MTUS2: variants seen among roughly 807,000 people sequenced by gnomAD.
MTUS2 encodes the protein microtubule associated scaffold protein 2.
Under a neutral mutation model 114.1 loss-of-function variants are expected in MTUS2, and 40 were observed. The observed-to-expected ratio is 0.35, with a 90% confidence interval of 0.27 to 0.46. The LOEUF is 0.46. Among genes scored for constraint, MTUS2 ranks in the 20% least tolerant of loss-of-function variants. The pLI, the probability that MTUS2 is intolerant of heterozygous loss-of-function variation, is 1.00. For synonymous variants in MTUS2, 688 were observed against 672.0 expected, an observed-to-expected ratio of 1.02 and a Z score of -0.37; for missense variants, 1,679 against 1,705.4, an observed-to-expected ratio of 0.98 and a Z score of 0.27.
intron 5 of MTUS2, among the ~76,000 whole-genome samples, chr13:29,153,081 G>T (rs1309703369): frequency 6.6e-6 from 1 of 152,208 alleles, no homozygotes; most frequent in Non-Finnish European, 1.5e-5. Context: ...TGCACAAAAT[G>T]TGAGTTGTGC....
In MTUS2 at chr13:29,025,744, G is replaced by T; in HGVS notation, c.1046G>T (p.Cys349Phe). ...NLSALEGRDP[C>F]GEAHPEATDA... The stretch of plus-strand genomic sequence containing the variant: ...TCAGCCTTGGAGGGAAGGGATCCAT[G>T]TGGGGAAGCACACCCGGAAGCCACC... Residue 349 changes from cysteine (C) to phenylalanine (F), a missense_variant, in exon 3 of 16, where the codon TGT (cysteine) becomes TTT (phenylalanine). Coordinates refer to ENST00000612955, the MANE Select transcript of MTUS2 (RefSeq NM_001033602.4). The T allele has an allele frequency of 6.2e-7, 1 of 1,614,040 alleles. No individual in the cohort carries two copies. Among genetic ancestry groups the T allele is most frequent in the Non-Finnish European group, 8.5e-7 (1 of 1,179,894 alleles).
intron 5 of MTUS2, among the ~76,000 whole-genome samples, chr13:29,135,712 G>C (rs544668984): frequency 4.6e-4 from 69 of 151,260 alleles, no homozygotes; most frequent in African/African-American, 1.6e-3. Flanking sequence ...TAGTAATTTT[G>C]AGATTACCAT....
intron 5 of MTUS2, among the ~76,000 whole-genome samples, chr13:29,279,096 A>T (rs969133777): frequency 3.9e-5 from 6 of 152,200 alleles, no homozygotes; most frequent in African/African-American, 1.4e-4. Context: ...TTAACTTTTT[A>T]AAAAATTTCC....
At chr13:29,454,631 A>G (rs1394260018) in intron 9 of MTUS2, among the ~76,000 whole-genome samples, 2 of 152,134 alleles carry the variant, frequency 1.3e-5, no homozygotes, top group East Asian at 1.9e-4. Context: ...CGCAGGAATC[A>G]GTGAACAAAT....
At chr13:29,147,024 A>G (rs1057264672) in intron 5 of MTUS2, among the ~76,000 whole-genome samples, 2 of 152,194 alleles carry the variant, frequency 1.3e-5, no homozygotes, top group Admixed American at 6.5e-5. Flanking sequence ...TGTTGCAAAT[A>G]TTCTTGTGAA....
At chr13:29,346,010 T>C (rs1868640796) in intron 7 of MTUS2, among the ~76,000 whole-genome samples, 1 of 152,216 alleles carries the variant, frequency 6.6e-6, no homozygotes, top group African/African-American at 2.4e-5. Flanking sequence ...ATGTCATCTG[T>C]CTTCAGGTCT....
chr13:29,389,567 G>GTACATATATGTGTGTATACGTA lies in MTUS2; in HGVS notation c.3117+30101_3117+30102insATGTGTGTATACGTATACATAT, dbSNP rs1566173595. Among the ~76,000 whole-genome samples, 49 of 49,474 alleles carry GTACATATATGTGTGTATACGTA rather than the reference G, an allele frequency of 9.9e-4. 7 individuals are homozygous for GTACATATATGTGTGTATACGTA. In the South Asian group the frequency reaches 0.02, roughly 20 times the overall value. The allele number at this position is 49,474 out of a possible 152,430, so 32.5% of individuals were successfully genotyped here. Reference sequence around the variant, plus strand: ...TATATGTATACACGTGTGTATATGTGTACATATGTGTGTATACGTATACAT... The same window carrying GTACATATATGTGTGTATACGTA: ...TATATGTATACACGTGTGTATATGTGTACATATATGTGTGTATACGTATACATATGTGTGTATACGTATACAT... On this transcript the variant is annotated intron_variant, in intron 8 of 15. Coordinates refer to ENST00000612955, the MANE Select transcript of MTUS2 (RefSeq NM_001033602.4).
At chr13:28,894,298 GAGAGA>G (rs1376823491) in intron 2 of MTUS2, among the ~76,000 whole-genome samples, 10 of 14,396 alleles carry the variant, frequency 6.9e-4, no homozygotes, top group South Asian at 7.4e-3. Context: ...GGGAGAGAGA[GAGAGA>G]GGGGGGGGGG....
chr13:29,193,443 T>A (rs935989065), intron 5 of MTUS2, among the ~76,000 whole-genome samples: 2 of 152,092 alleles, frequency 1.3e-5, no homozygotes, highest in African/African-American at 4.8e-5. Flanking sequence ...GGCATTCTTA[T>A]ACACCAATAA....
intron 6 of MTUS2, among the ~76,000 whole-genome samples, chr13:29,298,883 G>A (rs187403359): frequency 2.0e-5 from 3 of 152,300 alleles, no homozygotes; most frequent in Admixed American, 1.3e-4. Flanking sequence ...CAAGGTCAAA[G>A]CAATTAGGCT....
chr13:29,059,163 G>A lies in MTUS2; in HGVS notation c.2446+25038G>A, dbSNP rs116283520. On this transcript the variant is annotated intron_variant, in intron 4 of 15. Transcript: ENST00000612955. Reference sequence around the variant, plus strand: ...GGCTTTTCGAATTGCCAGAGTTCTTGCACTGGTTCTTTCTCATCTGTGTGG... The same window carrying A: ...GGCTTTTCGAATTGCCAGAGTTCTTACACTGGTTCTTTCTCATCTGTGTGG... Among the ~76,000 whole-genome samples, 1,447 of 150,284 alleles carry A rather than the reference G, an allele frequency of 9.6e-3. 23 individuals carry two copies. Among genetic ancestry groups the A allele is most frequent in the African/African-American group, 0.033 (1,350 of 40,926 alleles).
rs959640317 is a variant in MTUS2 at position 29,286,754 on chromosome 13, G to A, written c.2806+4889G>A. Among the ~76,000 whole-genome samples the A allele has an allele frequency of 1.1e-4, 16 of 150,840 alleles. 1 individual carries two copies. Among genetic ancestry groups the A allele is most frequent in the Admixed American group, 4.0e-4 (6 of 15,182 alleles). ...CACCCAGGCTGGAGTGCAGTGGCAC[G>A]ACCTCAGCTCACTGCAACCTCCACC... On this transcript the variant is annotated intron_variant, in intron 6 of 15. Transcript: ENST00000612955.
intron 2 of MTUS2, among the ~76,000 whole-genome samples, chr13:29,001,148 G>C (rs1003784532): frequency 7.9e-5 from 12 of 152,124 alleles, no homozygotes; most frequent in Non-Finnish European, 1.5e-5. Flanking sequence ...CTTTTTGCTG[G>C]GATGCTTCTC....
At chr13:28,849,783 A>G (rs1203656149) in intron 2 of MTUS2, among the ~76,000 whole-genome samples, 2 of 151,922 alleles carry the variant, frequency 1.3e-5, no homozygotes, top group East Asian at 3.9e-4. Flanking sequence ...ATTGCCCATG[A>G]CGTTCTTCTG....
At chr13:29,361,625 C>A (rs978816268) in intron 8 of MTUS2, among the ~76,000 whole-genome samples, 3 of 152,054 alleles carry the variant, frequency 2.0e-5, no homozygotes, top group African/African-American at 4.8e-5. Flanking sequence ...AAAATAGAGG[C>A]AAAGCAGCCC....
At chr13:29,398,560 C>T (rs1344770428) in intron 8 of MTUS2, among the ~76,000 whole-genome samples, 1 of 150,944 alleles carries the variant, frequency 6.6e-6, no homozygotes, top group Non-Finnish European at 1.5e-5. Context: ...GCCCAGATGT[C>T]TCTCATTCTA....
intron 8 of MTUS2, among the ~76,000 whole-genome samples, chr13:29,403,658 A>T (rs1874524796): frequency 6.6e-6 from 1 of 152,096 alleles, no homozygotes; most frequent in Admixed American, 6.5e-5. Context: ...TGGGACATTG[A>T]TTTTGTTTTT....
chr13:29,478,367 T>C (rs1880865691), intron 9 of MTUS2, among the ~76,000 whole-genome samples: 1 of 152,176 alleles, frequency 6.6e-6, no homozygotes, highest in South Asian at 2.1e-4. Flanking sequence ...CATGGGGAGA[T>C]ATGAGGTTCA....
At chr13:29,015,062 T>C (rs1456082775) in intron 2 of MTUS2, among the ~76,000 whole-genome samples, 4 of 152,190 alleles carry the variant, frequency 2.6e-5, no homozygotes, top group African/African-American at 9.7e-5. Flanking sequence ...TGGTTACATT[T>C]AAGCGACATT....
Sources: allele counts gnomAD v4.1 joint callset (sites outside exome capture counted in the v4.1 genomes callset), GRCh38; gene constraint gnomAD v4.1.1; transcripts MANE v1.5; gene names NCBI Gene and HGNC (gene_info 2026-07-23, HGNC 2026-07-21).